The following SPAG16 variants were observed in gnomAD, a reference collection of about 807,000 sequenced individuals.
SPAG16 encodes the protein sperm associated antigen 16, also known as sperm-associated antigen 16 protein.
A neutral mutation model predicts 80.4 loss-of-function variants in SPAG16; 86 were observed. The ratio of observed to expected loss-of-function variants is 1.07; its 90% CI spans 0.90 to 1.28. The LOEUF (loss-of-function observed/expected upper bound fraction) is 1.28. SPAG16 is among the 50% of genes most tolerant of loss of function. The pLI, the probability that SPAG16 is intolerant of heterozygous loss-of-function variation, is 0.00. For synonymous variants in SPAG16, 294 were observed against 265.9 expected (o/e 1.11, Z -1.03); for missense variants, 870 against 765.3 (o/e 1.14, Z -1.61).
At chr2:213,384,131 T>C (rs1044961185) in intron 9 of SPAG16, among the ~76,000 whole-genome samples, 1 of 152,186 alleles carries the variant, frequency 6.6e-6, no homozygotes, top group Non-Finnish European at 1.5e-5. Flanking sequence ...TAGGGAATTA[T>C]ATGGAAATAT....
At chr2:213,572,648 A>G (rs1255698045) in intron 10 of SPAG16, among the ~76,000 whole-genome samples, 1 of 152,092 alleles carries the variant, frequency 6.6e-6, no homozygotes, top group African/African-American at 2.4e-5. Flanking sequence ...CAAAGCTGTC[A>G]GACAGGGACA....
chr2:214,019,215 G>T (rs999471831), intron 13 of SPAG16, among the ~76,000 whole-genome samples: 3 of 152,030 alleles, frequency 2.0e-5, no homozygotes, highest in Admixed American at 2.0e-4. Flanking sequence ...TGATTTGGAA[G>T]CCTGTTTAAA....
intron 10 of SPAG16, among the ~76,000 whole-genome samples, chr2:213,849,021 A>G (rs528818357): frequency 3.3e-5 from 5 of 152,188 alleles, no homozygotes; most frequent in Non-Finnish European, 7.3e-5. Flanking sequence ...CTATAAAGCA[A>G]TACCTGAGGG....
At chr2:214,151,208 G>A (rs2055958678) in intron 15 of SPAG16, among the ~76,000 whole-genome samples, 1 of 151,986 alleles carries the variant, frequency 6.6e-6, no homozygotes, top group Non-Finnish European at 1.5e-5. Context: ...TACAAGACAA[G>A]TCCTCAATGA....
intron 9 of SPAG16, among the ~76,000 whole-genome samples, chr2:213,416,252 C>G (rs1201187905): frequency 6.6e-6 from 1 of 152,184 alleles, no homozygotes; most frequent in Non-Finnish European, 1.5e-5. Flanking sequence ...GCTTTAAATG[C>G]AACCAACTCT....
intron 10 of SPAG16, among the ~76,000 whole-genome samples, chr2:213,740,921 A>G (rs900457962): frequency 6.6e-6 from 1 of 152,234 alleles, no homozygotes; most frequent in Non-Finnish European, 1.5e-5. Flanking sequence ...CAAACAGATT[A>G]AAACAGAAAT....
intron 14 of SPAG16, among the ~76,000 whole-genome samples, chr2:214,145,564 A>C (rs947848873): frequency 2.6e-5 from 4 of 152,070 alleles, no homozygotes; most frequent in Non-Finnish European, 4.4e-5. Context: ...CTACTCTCTA[A>C]TTTATTATTA....
chr2:213,375,202 T>C (rs964020168), intron 9 of SPAG16, 83 bp downstream of exon 9: 42 of 1,027,060 alleles, frequency 4.1e-5, no homozygotes, highest in African/African-American at 4.9e-5. Flanking sequence ...TATCATTATT[T>C]TACCGGAAAA....
chr2:213,718,149 CAAAAAAAAAAAA>C (rs71063769), intron 10 of SPAG16, among the ~76,000 whole-genome samples: 2 of 92,246 alleles, frequency 2.2e-5, no homozygotes, highest in African/African-American at 4.7e-5. Context: ...AACAAGTTTA[CAAAAAAAAAAAA>C]AAAAAAAAGA....
In SPAG16 at chr2:213,407,568, G is replaced by C. The variant is rs186313788; in HGVS notation, c.942+32449G>C. The stretch of plus-strand genomic sequence containing the variant: ...AAGAAAGAGTAGTTGCACTCCCGCA[G>C]GTCCCTACCCTAGGAGAGAGAGAGA... On this transcript the variant is annotated intron_variant, in intron 9 of 15. Transcript: ENST00000331683. Among the ~76,000 whole-genome samples, 28 of 150,430 alleles carry C rather than the reference G, an allele frequency of 1.9e-4. No homozygotes were observed. In the East Asian group the frequency reaches 5.6e-3, roughly 30 times the overall value.
At chr2:214,026,092 A>G (rs953512513) in intron 13 of SPAG16, among the ~76,000 whole-genome samples, 72 of 151,538 alleles carry the variant, frequency 4.8e-4, no homozygotes, top group African/African-American at 1.6e-3. Context: ...AGTGGAAAAA[A>G]AGTAGAATTT....
intron 15 of SPAG16, among the ~76,000 whole-genome samples, chr2:214,398,780 A>G (rs1222509586): frequency 6.6e-6 from 1 of 152,210 alleles, no homozygotes; most frequent in Non-Finnish European, 1.5e-5. Flanking sequence ...TGGCATAACT[A>G]CTTTTGTTTC....
intron 13 of SPAG16, among the ~76,000 whole-genome samples, chr2:214,046,427 T>C (rs115981530): frequency 0.017 from 2,630 of 152,288 alleles, 63 homozygotes; most frequent in African/African-American, 0.058. Context: ...ATGTCACTGA[T>C]GAATATTGAT....
At chr2:214,168,481 C>T (rs1284921520) in intron 15 of SPAG16, among the ~76,000 whole-genome samples, 1 of 152,028 alleles carries the variant, frequency 6.6e-6, no homozygotes, top group African/African-American at 2.4e-5. Flanking sequence ...GTCTCTGTCT[C>T]ACACATGACA....
At chr2:213,749,490 A>G (rs2067986529) in intron 10 of SPAG16, among the ~76,000 whole-genome samples, 1 of 152,200 alleles carries the variant, frequency 6.6e-6, no homozygotes, top group South Asian at 2.1e-4. Context: ...AAGGGCAGAT[A>G]ACTGATGGTC....
chr2:214,179,450 G>T (rs2057239306), intron 15 of SPAG16, among the ~76,000 whole-genome samples: 1 of 151,424 alleles, frequency 6.6e-6, no homozygotes, highest in African/African-American at 2.4e-5. Flanking sequence ...AAGACCATCT[G>T]TTTGCAGCCA....
chr2:214,076,076 T>C (rs1227097667), intron 13 of SPAG16, among the ~76,000 whole-genome samples: 1 of 152,160 alleles, frequency 6.6e-6, no homozygotes, highest in Non-Finnish European at 1.5e-5. Flanking sequence ...CATAGTAGAG[T>C]ATATATTTAA....
chr2:213,418,947 G>T (rs192326605), intron 9 of SPAG16, among the ~76,000 whole-genome samples: 36 of 147,118 alleles, frequency 2.4e-4, no homozygotes, highest in Middle Eastern at 3.5e-3. Context: ...CTCTTACCCA[G>T]TATTTGATCA....
At chr2:213,707,185 T>G (rs1390513352) in intron 10 of SPAG16, among the ~76,000 whole-genome samples, 4 of 152,218 alleles carry the variant, frequency 2.6e-5, no homozygotes, top group Non-Finnish European at 5.9e-5. Flanking sequence ...TTGGTTTTCA[T>G]TTACTTTGGG....
Sources: allele counts gnomAD v4.1 joint callset (sites outside exome capture counted in the v4.1 genomes callset), GRCh38; gene constraint gnomAD v4.1.1; transcripts MANE v1.5; gene names NCBI Gene and HGNC (gene_info 2026-07-23, HGNC 2026-07-21).